The following SRD5A2 variants were observed in gnomAD, a reference collection of about 807,000 sequenced individuals.
SRD5A2 encodes the protein 3-oxo-5-alpha-steroid 4-dehydrogenase 2.
SRD5A2 carries 30 observed loss-of-function variants against 27.4 expected under a neutral mutation model. The observed-to-expected ratio is 1.10, with a 90% confidence interval of 0.82 to 1.49. The LOEUF (loss-of-function observed/expected upper bound fraction) is 1.49. Ranked by LOEUF, SRD5A2 falls within the 40% of genes most tolerant of loss-of-function variation. The pLI is 0.00. For missense variants in SRD5A2, 348 were observed against 323.4 expected, an observed-to-expected ratio of 1.08 and a Z score of -0.58; for synonymous variants, 141 against 133.6, an observed-to-expected ratio of 1.06 and a Z score of -0.38.
intron 2 of SRD5A2, among the ~76,000 whole-genome samples, chr2:31,532,707 T>C (rs1455531014): frequency 6.6e-6 from 1 of 152,022 alleles, no homozygotes; most frequent in African/African-American, 2.4e-5. Context: ...ATTCTCACCT[T>C]ATTTGATTTG....
chr2:31,545,297 A>AT (rs796933690), intron 1 of SRD5A2, among the ~76,000 whole-genome samples: 1 of 152,076 alleles, frequency 6.6e-6, no homozygotes, highest in Admixed American at 6.5e-5. Context: ...ATAGAGCAGT[A>AT]TTTTTTATGA....
At chr2:31,549,073 G>T (rs1049172041) in intron 1 of SRD5A2, among the ~76,000 whole-genome samples, 1 of 137,570 alleles carries the variant, frequency 7.3e-6, no homozygotes, top group African/African-American at 2.7e-5. Context: ...GGGGCTGGAA[G>T]TAGAGGGAAT....
intron 1 of SRD5A2, among the ~76,000 whole-genome samples, chr2:31,569,013 G>A (rs769508936): frequency 6.6e-6 from 1 of 152,316 alleles, no homozygotes; most frequent in South Asian, 2.1e-4. Context: ...GGGCAGGGGC[G>A]CTTCCCAGGC....
rs145709472 is a variant in SRD5A2 at position 31,526,328 on chromosome 2, T to C, written c.699-66A>G. The stretch of plus-strand genomic sequence containing the variant: ...AGTGGCTGACAGCTGAGGTTTGCTC[T>C]TACCAAATCTTTGTTACAAGTCAAC... On this transcript the variant is annotated intron_variant, in intron 4 of 4. Transcript: ENST00000622030. The C allele has an allele frequency of 6.7e-4, 702 of 1,042,726 alleles. 1 individual carries two copies. The African/African-American group carries it at 0.01, about 15-fold the overall frequency. 64.6% of individuals were successfully genotyped at this position (1,042,726 alleles called of 1,614,324 possible).
the SRD5A2 span, among the ~76,000 whole-genome samples, chr2:31,637,122 A>AT: frequency 6.6e-6 from 1 of 151,896 alleles, no homozygotes; most frequent in African/African-American, 2.4e-5. Flanking sequence ...TTGATGAGAG[A>AT]TTTTTTACTA....
chr2:31,581,591 C>T (rs1353539081), upstream of SRD5A2, among the ~76,000 whole-genome samples: 2 of 152,186 alleles, frequency 1.3e-5, no homozygotes, highest in East Asian at 3.9e-4. Flanking sequence ...TCTGCATCCC[C>T]GCACGCGTCC....
the SRD5A2 span, among the ~76,000 whole-genome samples, chr2:31,645,140 C>A: frequency 1.3e-5 from 2 of 151,994 alleles, no homozygotes; most frequent in Non-Finnish European, 2.9e-5. Flanking sequence ...TTTTGAGCCA[C>A]GTGTTTCAAG....
the SRD5A2 span, among the ~76,000 whole-genome samples, chr2:31,608,350 A>G: frequency 1.3e-5 from 2 of 151,980 alleles, no homozygotes; most frequent in African/African-American, 4.8e-5. Flanking sequence ...ATAAAATGAA[A>G]TTATAAACAA....
At position 31,548,196 on chromosome 2, in the gene SRD5A2, T is replaced by C. The variant is rs372079229; in HGVS notation, c.282-14430A>G. Among the ~76,000 whole-genome samples, 4 of 152,188 alleles carry C rather than the reference T, an allele frequency of 2.6e-5. No homozygotes were observed. In the East Asian group the frequency reaches 5.8e-4, roughly 22 times the overall value. ...GATACTGTATCTGGCAGTGATTTCT[T>C]GGATATGCTACCAAAGGTGCAGCCA... On this transcript the variant is annotated intron_variant, in intron 1 of 4. Coordinates refer to ENST00000622030, the MANE Select transcript of SRD5A2 (RefSeq NM_000348.4).
At chr2:31,652,577 G>C in the SRD5A2 span, among the ~76,000 whole-genome samples, 355 of 152,110 alleles carry the variant, frequency 2.3e-3, no homozygotes, top group African/African-American at 7.8e-3. Context: ...ATACATCCGA[G>C]GCCTTAGAAA....
At chr2:31,598,039 T>G in the SRD5A2 span, among the ~76,000 whole-genome samples, 1 of 152,024 alleles carries the variant, frequency 6.6e-6, no homozygotes, top group Non-Finnish European at 1.5e-5. Flanking sequence ...TGCAAAAATA[T>G]GAAACCAACC....
chr2:31,581,470 T>C (rs1196013077), upstream of SRD5A2, among the ~76,000 whole-genome samples: 1 of 152,130 alleles, frequency 6.6e-6, no homozygotes, highest in Non-Finnish European at 1.5e-5. Flanking sequence ...GCCCTTCTGC[T>C]CTGGGGCGCC....
chr2:31,539,400 T>G (rs758005950), intron 1 of SRD5A2, among the ~76,000 whole-genome samples: 3 of 152,200 alleles, frequency 2.0e-5, no homozygotes, highest in Non-Finnish European at 4.4e-5. Context: ...AGTTGCTTTG[T>G]TATAACAAAC....
chr2:31,569,681 A>AC (rs1387440051), intron 1 of SRD5A2, among the ~76,000 whole-genome samples: 10 of 151,638 alleles, frequency 6.6e-5, no homozygotes, highest in African/African-American at 2.4e-4. Flanking sequence ...AAAAAACAAA[A>AC]AAAAAAAAAC....
At chr2:31,624,349 C>T in the SRD5A2 span, among the ~76,000 whole-genome samples, 2 of 151,916 alleles carry the variant, frequency 1.3e-5, no homozygotes, top group South Asian at 4.2e-4. Flanking sequence ...TTTTTAACTT[C>T]TTTTTTTAAT....
the SRD5A2 span, among the ~76,000 whole-genome samples, chr2:31,656,310 T>C: frequency 6.6e-6 from 1 of 152,120 alleles, no homozygotes; most frequent in Non-Finnish European, 1.5e-5. Context: ...ATTCCCATGG[T>C]TTCCTTCTAC....
intron 1 of SRD5A2, among the ~76,000 whole-genome samples, chr2:31,553,211 G>A (rs965221740): frequency 1.1e-4 from 16 of 152,132 alleles, no homozygotes; most frequent in African/African-American, 3.9e-4. Flanking sequence ...CAAGTTATTT[G>A]AAATTATCCA....
chr2:31,621,363 T>A, the SRD5A2 span, among the ~76,000 whole-genome samples: 1 of 152,110 alleles, frequency 6.6e-6, no homozygotes, highest in Non-Finnish European at 1.5e-5. Context: ...AATGGAATCA[T>A]ATGGTATGTA....
At chr2:31,601,094 C>G in the SRD5A2 span, among the ~76,000 whole-genome samples, 146 of 151,770 alleles carry the variant, frequency 9.6e-4, no homozygotes, top group African/African-American at 3.2e-3. Context: ...CTGAAGGAGA[C>G]AGAGACATGA....
Sources: allele counts gnomAD v4.1 joint callset (sites outside exome capture counted in the v4.1 genomes callset), GRCh38; gene constraint gnomAD v4.1.1; transcripts MANE v1.5; gene names NCBI Gene and HGNC (gene_info 2026-07-23, HGNC 2026-07-21).